Variants in CFAP47 observed in about 807,000 individuals in gnomAD.
The protein encoded by CFAP47 is cilia and flagella associated protein 47, also known as cilia- and flagella-associated protein 47.
In CFAP47, 29 loss-of-function variants were observed where a neutral mutation model predicts 148.1. The observed-to-expected ratio is 0.20, with a 90% confidence interval of 0.15 to 0.27. The LOEUF (loss-of-function observed/expected upper bound fraction) is 0.27. Among genes scored for constraint, CFAP47 ranks in the 10% least tolerant of loss-of-function variants. CFAP47 has a pLI of 1.00. For missense variants in CFAP47, 1,872 were observed against 1,697.5 expected (o/e 1.10, Z -1.81); for synonymous variants, 664 against 577.3 (o/e 1.15, Z -2.15).
chrX:36,168,164 A>C (rs1363848530), intron 39 of CFAP47, among the ~76,000 whole-genome samples: 1 of 111,302 alleles, frequency 9.0e-6, no homozygotes, highest in African/African-American at 3.3e-5. Flanking sequence ...TGAAGTGTTT[A>C]GTCTGTTAAA....
Position 36,271,396 on chromosome X carries a change from G to C in CFAP47, c.7445-9091G>C, listed in dbSNP as rs182367839. 1.1e-3 allele frequency among the ~76,000 whole-genome samples: 125 copies of C among 111,190 alleles called. 1 individual carries two copies. Among genetic ancestry groups the C allele is most frequent in the African/African-American group, 4.0e-3 (122 of 30,637 alleles). On this transcript the variant is annotated intron_variant, in intron 49 of 63. Coordinates refer to ENST00000378653, the MANE Select transcript of CFAP47 (RefSeq NM_001304548.2). ...AGCATGGAGTCAAAGGATGATGCAA[G>C]GTGGGTGTGAGGGGACCAATTGCAA...
chrX:36,339,779 T>C (rs1036427062), intron 57 of CFAP47, among the ~76,000 whole-genome samples: 4 of 112,233 alleles, frequency 3.6e-5, no homozygotes, highest in African/African-American at 6.5e-5. Context: ...GCTAATATAT[T>C]CTTAAAAAGA....
At chrX:36,015,619 T>C (rs1937088481) in intron 22 of CFAP47, among the ~76,000 whole-genome samples, 1 of 111,513 alleles carries the variant, frequency 9.0e-6, no homozygotes, top group Non-Finnish European at 1.9e-5. Flanking sequence ...AGCATGCAGA[T>C]GATAAAAATA....
At chrX:35,956,674 G>A (rs999708872) in intron 8 of CFAP47, among the ~76,000 whole-genome samples, 71 of 111,449 alleles carry the variant, frequency 6.4e-4, no homozygotes, top group African/African-American at 2.3e-3. Context: ...TGTACTGCTG[G>A]TACAAAGCAG....
At position 35,967,682 on chromosome X, in the gene CFAP47, A is replaced by G. The variant is rs778199845; in HGVS notation, c.1664A>G (p.Lys555Arg). 8.3e-7 allele frequency: 1 copy of G among 1,210,429 alleles called. No individual in the cohort carries two copies. The highest frequency in any genetic ancestry group is 1.1e-6 in the Non-Finnish European group (1 of 894,731). The change falls in exon 10 of 64, where the codon AAG becomes AGG. Residue 555 changes from lysine (K) to arginine (R), a missense_variant. Coordinates refer to ENST00000378653, the MANE Select transcript of CFAP47 (RefSeq NM_001304548.2). ...KFVVKDLAKR[K>R]NYAPVAMLQS... ...GTGGTCAAAGACTTGGCAAAACGCA[A>G]GAATTATGCACCTGTAGCAATGCTT...
intron 40 of CFAP47, among the ~76,000 whole-genome samples, chrX:36,181,591 C>G (rs1024101476): frequency 2.7e-5 from 3 of 111,542 alleles, no homozygotes; most frequent in African/African-American, 9.8e-5. Flanking sequence ...GTTCTTCTCT[C>G]AAGCCTTTCT....
At chrX:36,014,553 G>A (rs1210568803) in intron 21 of CFAP47, among the ~76,000 whole-genome samples, 1 of 110,105 alleles carries the variant, frequency 9.1e-6, no homozygotes, top group Non-Finnish European at 1.9e-5. Flanking sequence ...GGTTCATTTT[G>A]AATGAATAAG....
At chrX:36,192,957 CA>C (rs1555986717) in intron 42 of CFAP47, among the ~76,000 whole-genome samples, 1 of 111,945 alleles carries the variant, frequency 8.9e-6, no homozygotes, top group African/African-American at 3.3e-5. Context: ...GAAGACCCTG[CA>C]AGGCTTTCTT....
chrX:35,964,280 C>T (rs978162922), intron 8 of CFAP47, among the ~76,000 whole-genome samples: 21 of 111,495 alleles, frequency 1.9e-4, no homozygotes, highest in African/African-American at 6.8e-4. Flanking sequence ...TTGGAACACA[C>T]CTCTCCACTG....
intron 54 of CFAP47, among the ~76,000 whole-genome samples, chrX:36,304,890 C>T (rs1025404994): frequency 8.9e-6 from 1 of 112,306 alleles, no homozygotes; most frequent in Admixed American, 9.5e-5. Flanking sequence ...AAGCATAGGA[C>T]ACCATTTATT....
chrX:36,191,932 G>A (rs1288994352), intron 42 of CFAP47, among the ~76,000 whole-genome samples: 8 of 110,733 alleles, frequency 7.2e-5, no homozygotes, highest in African/African-American at 2.3e-4. Flanking sequence ...GCAGTGAGCC[G>A]AGATCATGCC....
chrX:36,051,284 G>A (rs1452849199), intron 26 of CFAP47, among the ~76,000 whole-genome samples: 2 of 111,437 alleles, frequency 1.8e-5, no homozygotes, highest in East Asian at 5.7e-4. Context: ...TCCACTGACA[G>A]CTTGCACCAT....
intron 62 of CFAP47, among the ~76,000 whole-genome samples, chrX:36,368,662 C>G (rs992111675): frequency 1.2e-4 from 13 of 111,138 alleles, no homozygotes; most frequent in Non-Finnish European, 2.5e-4. Context: ...TTTTGCTCAA[C>G]CACTAAATAC....
intron 22 of CFAP47, among the ~76,000 whole-genome samples, chrX:36,024,014 T>C (rs1233646949): frequency 8.9e-6 from 1 of 112,105 alleles, no homozygotes; most frequent in African/African-American, 3.2e-5. Context: ...CCTCTGCTTT[T>C]CTCACCCTAT....
chrX:35,947,997 C>T (rs1012836561), intron 3 of CFAP47, among the ~76,000 whole-genome samples: 11 of 111,742 alleles, frequency 9.8e-5, no homozygotes, highest in African/African-American at 3.6e-4. Flanking sequence ...AGACCATCTG[C>T]TCCAGGGGTA....
chrX:36,140,522 A>G (rs1297823080), intron 35 of CFAP47, among the ~76,000 whole-genome samples: 1 of 105,659 alleles, frequency 9.5e-6, no homozygotes, highest in African/African-American at 3.9e-5. Context: ...AGTAATTGAA[A>G]GTCGGCTTAG....
intron 36 of CFAP47, among the ~76,000 whole-genome samples, chrX:36,146,026 G>A (rs1428526410): frequency 1.8e-5 from 2 of 108,727 alleles, no homozygotes; most frequent in Non-Finnish European, 3.8e-5. Context: ...TTCCTTTTTT[G>A]TCAAAAAAAA....
intron 46 of CFAP47, among the ~76,000 whole-genome samples, chrX:36,229,249 G>T (rs1440232760): frequency 8.9e-6 from 1 of 111,761 alleles, no homozygotes; most frequent in African/African-American, 3.2e-5. Flanking sequence ...TAAGATAATT[G>T]TAAAGAACTT....
At chrX:36,356,565 C>T (rs1941787596) in intron 60 of CFAP47, among the ~76,000 whole-genome samples, 1 of 110,888 alleles carries the variant, frequency 9.0e-6, no homozygotes, top group South Asian at 3.8e-4. Flanking sequence ...TCTGCTTGAC[C>T]CTCCTTTGAC....
Sources: gnomAD v4.1 joint callset for allele counts (sites outside exome capture counted in the v4.1 genomes callset) on GRCh38, gnomAD v4.1.1 for gene constraint, MANE v1.5 for transcripts, NCBI Gene and HGNC (gene_info 2026-07-23, HGNC 2026-07-21) for gene names.